The following CENPP variants were observed in gnomAD, a reference collection of about 807,000 sequenced individuals.
The protein encoded by CENPP is centromere protein P.
Under a neutral mutation model 35.6 loss-of-function variants are expected in CENPP, and 24 were observed. The observed-to-expected ratio is 0.67, with a 90% CI of 0.49 to 0.95. The LOEUF (loss-of-function observed/expected upper bound fraction) is 0.95. Ranked by LOEUF, CENPP falls within the 40% of genes least tolerant of loss-of-function variation. The probability of loss-of-function intolerance (pLI) is 0.00; values close to 1 mark genes in which losing one functional copy is unlikely to be tolerated. For synonymous variants in CENPP, 120 were observed against 125.5 expected, an observed-to-expected ratio of 0.96 and a Z score of 0.29; for missense variants, 332 against 345.3, an observed-to-expected ratio of 0.96 and a Z score of 0.31.
intron 4 of CENPP, among the ~76,000 whole-genome samples, chr9:92,367,325 C>T (rs1260589081): frequency 6.6e-6 from 1 of 152,048 alleles, no homozygotes; most frequent in Non-Finnish European, 1.5e-5. Flanking sequence ...CGCCACCACA[C>T]CCAGCTAATT....
chr9:92,432,265 C>T (rs1395057507), intron 5 of CENPP, among the ~76,000 whole-genome samples: 1 of 151,608 alleles, frequency 6.6e-6, no homozygotes, highest in Admixed American at 6.6e-5. Context: ...GCAGAGGTTG[C>T]AGTGAGTCAA....
chr9:92,494,728 A>T (rs1029975025), intron 5 of CENPP, among the ~76,000 whole-genome samples: 13 of 152,030 alleles, frequency 8.6e-5, no homozygotes, highest in African/African-American at 3.1e-4. Context: ...CCAACATGGT[A>T]AAACCCCATC....
At chr9:92,353,341 A>G (rs984165182) in intron 4 of CENPP, among the ~76,000 whole-genome samples, 4 of 152,070 alleles carry the variant, frequency 2.6e-5, no homozygotes, top group African/African-American at 9.7e-5. Context: ...CAAGCACCTC[A>G]GGGGGTCGTG....
In CENPP at chr9:92,379,748, C is replaced by T; in HGVS notation, c.468-15C>T. ...TAATGATATTTATTAATCAGAGAAT[C>T]ATTTATTCCTACAGAGCAGAAGAGA... On this transcript the variant is annotated splice_polypyrimidine_tract_variant and intron_variant, in intron 4 of 7. Transcript: ENST00000375587. 6.5e-7 allele frequency: 1 copy of T among 1,545,386 alleles called. No individual in the cohort carries two copies. The highest frequency in any genetic ancestry group is 8.9e-7 in the Non-Finnish European group (1 of 1,120,278).
rs775684626 is a variant in CENPP at position 92,613,937 on chromosome 9, C to T, written c.*788C>T. 2 of 152,224 alleles carry T rather than the reference C, an allele frequency of 1.3e-5. No homozygotes were observed. The highest frequency in any genetic ancestry group is 2.4e-5 in the African/African-American group (1 of 41,444). The allele number at this position is 152,224 out of a possible 1,614,324, so 9.4% of individuals were successfully genotyped here. A position where few individuals can be genotyped will look rare whatever the true frequency, so the allele number is the denominator to read the frequency against. On this transcript the variant is annotated 3_prime_UTR_variant, in exon 8 of 8. Transcript: ENST00000375587. ...AAACCAGTCAGGGCCGTCATGACTA[C>T]GCAGCAGCAGCAGTTTCCAAGACGG...
intron 5 of CENPP, among the ~76,000 whole-genome samples, chr9:92,533,328 A>AAAAAAAAAAATATATATAT (rs1554683138): frequency 1.3e-4 from 5 of 38,340 alleles, no homozygotes; most frequent in Non-Finnish European, 1.7e-4. Context: ...AAAAAAAAAA[A>AAAAAAAAAAATATATATAT]ATATATATAT....
Position 92,416,080 on chromosome 9 carries a change from TTA to T in CENPP, c.564+36223_564+36224del, listed in dbSNP as rs1843597515. ...TGTGTATATATATATATTTATTTAT[TTA>T]TTTATTTATTTATTTATTTTATTTT... On this transcript the variant is annotated intron_variant, in intron 5 of 7. Transcript: ENST00000375587. Among the ~76,000 whole-genome samples the T allele has an allele frequency of 2.9e-5, 4 of 137,322 alleles. No individual in the cohort carries two copies. In the Admixed American group the frequency reaches 2.9e-4, roughly 10 times the overall value. 90.1% of individuals were successfully genotyped at this position (137,322 alleles called of 152,430 possible). A position where few individuals can be genotyped will look rare whatever the true frequency, so the allele number is the denominator to read the frequency against.
intron 5 of CENPP, chr9:92,459,851 T>C (rs1262925215): frequency 7.9e-7 from 1 of 1,264,778 alleles, no homozygotes; most frequent in African/African-American, 1.5e-5. Flanking sequence ...GCAAACTAGT[T>C]AGAATATAAG....
At chr9:92,328,856 TATAC>T (rs1334295813) in intron 1 of CENPP, among the ~76,000 whole-genome samples, 1 of 152,244 alleles carries the variant, frequency 6.6e-6, no homozygotes, top group Non-Finnish European at 1.5e-5. Context: ...TGTGGCAAAA[TATAC>T]ATAAGATTTA....
At chr9:92,594,796 A>AT (rs1850738035) in intron 5 of CENPP, among the ~76,000 whole-genome samples, 1 of 151,328 alleles carries the variant, frequency 6.6e-6, no homozygotes, top group African/African-American at 2.4e-5. Flanking sequence ...CTCTACAAAC[A>AT]TTTTTTAAAA....
intron 5 of CENPP, among the ~76,000 whole-genome samples, chr9:92,389,028 T>C (rs757566316): frequency 6.6e-6 from 1 of 152,134 alleles, no homozygotes; most frequent in Non-Finnish European, 1.5e-5. Context: ...AGATTGTACA[T>C]TTTTTGACAG....
chr9:92,602,711 C>G (rs1588310677), intron 5 of CENPP, among the ~76,000 whole-genome samples: 1 of 151,992 alleles, frequency 6.6e-6, no homozygotes, highest in Non-Finnish European at 1.5e-5. Context: ...TGTCCAGGGG[C>G]GAGGGGTACC....
At chr9:92,387,053 GAAAAAAAA>G (rs903436031) in intron 5 of CENPP, among the ~76,000 whole-genome samples, 5 of 50,168 alleles carry the variant, frequency 1.0e-4, no homozygotes, top group African/African-American at 2.4e-4. Flanking sequence ...GTCTCAAAAA[GAAAAAAAA>G]AAAAAAAAAA....
chr9:92,437,921 C>G (rs1470575545), intron 5 of CENPP, among the ~76,000 whole-genome samples: 2 of 151,108 alleles, frequency 1.3e-5, no homozygotes, highest in Non-Finnish European at 3.0e-5. Flanking sequence ...GATCCTCCCT[C>G]CTCAGCATCT....
At chr9:92,463,176 A>T (rs1845179741) in intron 5 of CENPP, among the ~76,000 whole-genome samples, 1 of 152,274 alleles carries the variant, frequency 6.6e-6, no homozygotes, top group South Asian at 2.1e-4. Flanking sequence ...ATTATGCAGT[A>T]GAACTTCCTG....
At chr9:92,391,721 G>T (rs773925917) in intron 5 of CENPP, among the ~76,000 whole-genome samples, 1 of 152,170 alleles carries the variant, frequency 6.6e-6, no homozygotes, top group Non-Finnish European at 1.5e-5. Flanking sequence ...TACAGTATGA[G>T]AACTGGAACC....
chr9:92,574,888 TAC>T (rs1418941709), intron 5 of CENPP, among the ~76,000 whole-genome samples: 1 of 152,190 alleles, frequency 6.6e-6, no homozygotes, highest in Admixed American at 6.5e-5. Flanking sequence ...TGGAATAGAA[TAC>T]AGAGTCCAAA....
At chr9:92,588,489 G>A (rs894190573) in intron 5 of CENPP, among the ~76,000 whole-genome samples, 2 of 151,690 alleles carry the variant, frequency 1.3e-5, no homozygotes, top group Admixed American at 6.6e-5. Context: ...TCCTGACCTC[G>A]TGATCCGCCC....
intron 3 of CENPP, among the ~76,000 whole-genome samples, chr9:92,344,796 G>T (rs965123099): frequency 6.6e-6 from 1 of 151,020 alleles, no homozygotes; most frequent in African/African-American, 2.4e-5. Context: ...TGATTCACCC[G>T]CCTCTGCCTC....
Sources: gnomAD v4.1 joint callset for allele counts (sites outside exome capture counted in the v4.1 genomes callset) on GRCh38, gnomAD v4.1.1 for gene constraint, MANE v1.5 for transcripts, NCBI Gene and HGNC (gene_info 2026-07-23, HGNC 2026-07-21) for gene names.